Variants in CASKIN1 observed in about 807,000 individuals in gnomAD.
CASKIN1 encodes CASK interacting protein 1, also known as caskin-1.
In CASKIN1, 42 loss-of-function variants were observed where a neutral mutation model predicts 117.5. The observed-to-expected ratio is 0.36, with a 90% CI of 0.28 to 0.46. The LOEUF is 0.46. CASKIN1 is among the 20% of genes least tolerant of loss of function. CASKIN1 has a pLI of 1.00. For synonymous variants in CASKIN1, 1,148 were observed against 961.7 expected, an observed-to-expected ratio of 1.19 and a Z score of -3.59; for missense variants, 2,083 against 2,077.3, an observed-to-expected ratio of 1.00 and a Z score of -0.05.
intron 1 of CASKIN1, among the ~76,000 whole-genome samples, chr16:2,193,568 C>T (rs926286943): frequency 5.9e-5 from 9 of 152,240 alleles, no homozygotes; most frequent in Non-Finnish European, 8.8e-5. Context: ...CCCTGTCCTC[C>T]CTCCCACAGC....
chr16:2,184,791 C>T lies in CASKIN1; in HGVS notation c.1402G>A (p.Ala468Thr). 2.6e-6 allele frequency: 4 copies of T among 1,525,548 alleles called. No individual in the cohort carries two copies. Among genetic ancestry groups the T allele is most frequent in the East Asian group, 2.3e-5 (1 of 43,818 alleles). The allele number at this position is 1,525,548 out of a possible 1,614,324, so 94.5% of individuals were successfully genotyped here. ...GEQPPKKLEP[A>T]SEGKSSEAVS... Reference sequence around the variant, plus strand: ...AAGCCCTGTACCTTGCCCTCCGATGCTGGCTCCAGCTTCTTGGGCGGCTGC... The same window carrying T: ...AAGCCCTGTACCTTGCCCTCCGATGTTGGCTCCAGCTTCTTGGGCGGCTGC... Residue 468 changes from alanine (A) to threonine (T), a missense_variant, in exon 14 of 20, where the codon GCA (alanine) becomes ACA (threonine). Physicochemically the swap from Ala to Thr is moderately conservative, Grantham distance 58. Coordinates refer to ENST00000343516, the MANE Select transcript of CASKIN1 (RefSeq NM_020764.4).
rs778278356 is a variant in CASKIN1 at position 2,181,577 on chromosome 16, G to T, written c.1791C>A (p.Leu597=). The T allele has an allele frequency of 2.5e-6, 4 of 1,568,968 alleles. No individual in the cohort carries two copies. Among genetic ancestry groups the T allele is most frequent in the African/African-American group, 2.7e-5 (2 of 74,184 alleles). The change falls in exon 18 of 20, where the codon CTC becomes CTA. Residue 597 remains leucine (L), a synonymous_variant. Transcript: ENST00000343516. ...GCAGCTCTGCCAGCTTCCTCACAGC[G>T]AGCATCAGCTTCTTCTGGTGCCCTG... ...TKLGHQKKLM[L]AVRKLAELQK... is the part of the protein sequence containing the mutation.
intron 1 of CASKIN1, among the ~76,000 whole-genome samples, chr16:2,190,807 G>A (rs898056989): frequency 2.0e-5 from 3 of 152,200 alleles, no homozygotes; most frequent in South Asian, 4.1e-4. Context: ...TGGAACACCC[G>A]GAAATGGGGG....
chr16:2,178,724 TC>T, intron 19 of CASKIN1, 78 bp from the exon 20 acceptor site: 1 of 1,377,350 alleles, frequency 7.3e-7, no homozygotes, highest in Non-Finnish European at 9.6e-7. Context: ...CACGCCCACG[TC>T]CCGCATCTCC....
Position 2,187,430 on chromosome 16 carries a change from G to T in CASKIN1, c.649C>A (p.Arg217Ser). Reference protein sequence around the residue: ...LLLQAGIDINRQTKSGTALHE... With the variant: ...LLLQAGIDINSQTKSGTALHE... ...AGGGCCGTGCCGGACTTGGTCTGGC[G>T]GTTAATGTCGATGCCGGCTTGGAGG... The change falls in exon 7 of 20, where the codon CGC becomes AGC. Residue 217 changes from arginine to serine, a missense_variant. Arg to Ser is a moderately radical substitution (Grantham distance 110). This residue lies in a region of CASKIN1 where 203 missense variants were observed against 338.7 expected (regional missense o/e 0.60). Transcript: ENST00000343516. 1.2e-6 allele frequency: 2 copies of T among 1,608,768 alleles called. No individual in the cohort carries two copies. The highest frequency in any genetic ancestry group is 8.5e-7 in the Non-Finnish European group (1 of 1,179,780).
intron 14 of CASKIN1, 141 bp from the exon 15 acceptor site, chr16:2,184,082 G>C: frequency 1.7e-6 from 1 of 594,672 alleles, no homozygotes; most frequent in Non-Finnish European, 2.9e-6. Flanking sequence ...AGGCCCCGGT[G>C]AGCCTGGCCC....
intron 1 of CASKIN1, among the ~76,000 whole-genome samples, chr16:2,194,897 A>C (rs984774348): frequency 2.6e-5 from 4 of 152,158 alleles, no homozygotes; most frequent in Non-Finnish European, 5.9e-5. Context: ...GCATTTACTG[A>C]GCACTTACTG....
rs775811056 is a variant in CASKIN1 at position 2,180,091 on chromosome 16, C to T, written c.3277G>A (p.Asp1093Asn). The change falls in exon 18 of 20, where the codon GAT (aspartate) becomes AAT (asparagine). Residue 1093 changes from aspartate to asparagine, a missense_variant. Physicochemically the swap from Asp to Asn is conservative, Grantham distance 23. Coordinates refer to ENST00000343516, the MANE Select transcript of CASKIN1 (RefSeq NM_020764.4). ...CGAGGCCGCTGCCGGCCAGTGCCAT[C>T]CTCCACAAAGGGGCCTGGGTCTGCC... ...ESADPGPFVE[D>N]GTGRQRPRGP... 15 of 1,564,068 alleles carry T rather than the reference C, an allele frequency of 9.6e-6. No homozygotes were observed. In the South Asian group the frequency reaches 1.4e-4, roughly 15 times the overall value.
In CASKIN1 at chr16:2,183,645, C is replaced by A; in HGVS notation, c.1629+1G>T. The A allele has an allele frequency of 6.2e-7, 1 of 1,612,952 alleles. No individual in the cohort carries two copies. Among genetic ancestry groups the A allele is most frequent in the Non-Finnish European group, 8.5e-7 (1 of 1,179,806 alleles). Reference sequence around the variant, plus strand: ...AGCCCCTGGGATGCAGGTGGCCTTACGGGTTTGTGCTCAGGCAGCCAGTCA... The same window carrying A: ...AGCCCCTGGGATGCAGGTGGCCTTAAGGGTTTGTGCTCAGGCAGCCAGTCA... On this transcript the variant is annotated splice_donor_variant, in intron 16 of 19. Transcript: ENST00000343516. LOFTEE classifies it high-confidence loss of function.
intron 6 of CASKIN1, among the ~76,000 whole-genome samples, chr16:2,188,351 C>T (rs1054661781): frequency 2.0e-5 from 3 of 150,466 alleles, no homozygotes; most frequent in South Asian, 2.1e-4. Flanking sequence ...CACAACCAGC[C>T]GATTTTTTTT....
In CASKIN1 at chr16:2,189,286, G is replaced by A; in HGVS notation, c.438C>T (p.Asn146=). 6.2e-7 allele frequency: 1 copy of A among 1,613,310 alleles called. No individual in the cohort carries two copies. The highest frequency in any genetic ancestry group is 1.1e-5 in the South Asian group (1 of 91,088). Residue 146 remains asparagine (N), a synonymous_variant, in exon 5 of 20, where the codon AAC becomes AAT. Transcript: ENST00000343516. Reference sequence around the variant, plus strand: ...CCAGGTCCAGGGGCGTCTTCCCCGAGTTGTCCACCATGCACGGGTTAGACT... The same window carrying A: ...CCAGGTCCAGGGGCGTCTTCCCCGAATTGTCCACCATGCACGGGTTAGACT... ...QHQSNPCMVD[N]SGKTPLDLAC...
intron 17 of CASKIN1, 86 bp from the exon 18 acceptor site, chr16:2,181,685 G>A (rs1321338307): frequency 4.8e-6 from 7 of 1,460,706 alleles, no homozygotes; most frequent in Non-Finnish European, 6.4e-6. Context: ...GCTGGGCTTG[G>A]GGCCCAGCTT....
intron 11 of CASKIN1, 48 bp from the exon 12 acceptor site, chr16:2,185,247 G>C (rs747686481): frequency 2.5e-6 from 4 of 1,603,582 alleles, no homozygotes; most frequent in Non-Finnish European, 3.4e-6. Flanking sequence ...CCCCTGCCTG[G>C]CCCCACGGTG....
At chr16:2,193,290 G>A (rs1187638396) in intron 1 of CASKIN1, among the ~76,000 whole-genome samples, 2 of 152,220 alleles carry the variant, frequency 1.3e-5, no homozygotes, top group Non-Finnish European at 2.9e-5. Flanking sequence ...GTGCTGGGAT[G>A]ACAGGCATGA....
Position 2,185,403 on chromosome 16 carries a change from G to A in CASKIN1, c.1054C>T (p.Arg352Ter). The change falls in exon 11 of 20, where the codon CGA (arginine) becomes TGA (stop). Residue 352 changes from arginine (R) to a stop codon, truncating the protein, a stop_gained. Transcript: ENST00000343516. LOFTEE classifies it high-confidence loss of function. ...GEAIVKRAGS[R>*]AGTEPSLPQG... ...GGCAGGCTTGGTTCAGTGCCTGCTC[G>A]GGAACCTGTGGGTCAAGCAAAGCCT... 1 of 1,602,286 alleles carries A rather than the reference G, an allele frequency of 6.2e-7. No individual in the cohort carries two copies. The highest frequency in any genetic ancestry group is 8.5e-7 in the Non-Finnish European group (1 of 1,173,652).
At chr16:2,195,969 T>TG (rs894119401) in intron 1 of CASKIN1, among the ~76,000 whole-genome samples, 4,048 of 136,674 alleles carry the variant, frequency 0.03, 129 homozygotes, top group African/African-American at 0.08. Context: ...GTGCGTGTGG[T>TG]GGGTGGGGGG....
In CASKIN1 at chr16:2,180,652, G is replaced by C; in HGVS notation, c.2716C>G (p.Pro906Ala). ...ACGCGCCGCTGGACCGTGGCATAGG[G>C]GCCGGCAGCCGCAGGCACCAGCAGC... Reference protein sequence around the residue: ...DELLVPAAAGPYATVQRRVGR... With the variant: ...DELLVPAAAGAYATVQRRVGR... The change falls in exon 18 of 20, where the codon CCC becomes GCC. Residue 906 changes from proline (P) to alanine (A), a missense_variant. Physicochemically the swap from Pro to Ala is conservative, Grantham distance 27 (BLOSUM62 -1). Coordinates refer to ENST00000343516, the MANE Select transcript of CASKIN1 (RefSeq NM_020764.4). 1 of 1,533,064 alleles carries C rather than the reference G, an allele frequency of 6.5e-7. No individual in the cohort carries two copies. The highest frequency in any genetic ancestry group is 8.7e-7 in the Non-Finnish European group (1 of 1,145,714). 95.0% of individuals were successfully genotyped at this position (1,533,064 alleles called of 1,614,324 possible).
At chr16:2,178,719 C>T in intron 19 of CASKIN1, 73 bp from the exon 20 acceptor site, 3 of 1,403,818 alleles carry the variant, frequency 2.1e-6, no homozygotes, top group Non-Finnish European at 1.9e-6. Flanking sequence ...CAGGACACGC[C>T]CACGTCCCGC....
At position 2,179,527 on chromosome 16, in the gene CASKIN1, CAG is replaced by C; in HGVS notation, c.3775+64_3775+65del. The C allele has an allele frequency of 7.1e-7, 1 of 1,402,696 alleles. No homozygotes were observed. The highest frequency in any genetic ancestry group is 9.3e-7 in the Non-Finnish European group (1 of 1,078,826). The allele number at this position is 1,402,696 out of a possible 1,614,324, so 86.9% of individuals were successfully genotyped here. A position where few individuals can be genotyped will look rare whatever the true frequency, so the allele number is the denominator to read the frequency against. On this transcript the variant is annotated intron_variant, in intron 18 of 19. Coordinates refer to ENST00000343516, the MANE Select transcript of CASKIN1 (RefSeq NM_020764.4). The surrounding 1 kb of genome is among the most constrained non-coding windows in gnomAD (Gnocchi z 5.8). ...CAAACCCAAGAAAAGGAAAACCCCTCAGACCACCGAGTAAGGAGGTGGAGCAG... is the reference window on the plus strand; with the variant it reads ...CAAACCCAAGAAAAGGAAAACCCCTCACCACCGAGTAAGGAGGTGGAGCAG...
Sources: gnomAD v4.1 joint callset for allele counts (sites outside exome capture counted in the v4.1 genomes callset) on GRCh38, gnomAD v4.1.1 for gene constraint, gnomAD v4.1.1 regional missense constraint, Gnocchi (gnomAD v3.1) non-coding constraint, MANE v1.5 for transcripts, NCBI Gene and HGNC (gene_info 2026-07-23, HGNC 2026-07-21) for gene names.